CREB5: variants seen among roughly 807,000 people sequenced by gnomAD.
CREB5 encodes the protein cyclic AMP-responsive element-binding protein 5.
CREB5 carries 19 observed loss-of-function variants against 57.1 expected under a neutral mutation model. The ratio of observed to expected loss-of-function variants is 0.33; its 90% CI spans 0.23 to 0.49. The LOEUF is 0.49. Ranked by LOEUF, CREB5 falls within the 20% of genes least tolerant of loss-of-function variation. CREB5 has a pLI of 0.99. For missense variants in CREB5, 579 were observed against 671.6 expected (o/e 0.86, Z 1.52); for synonymous variants, 238 against 238.3 (o/e 1.00, Z 0.01).
intron 3 of CREB5, among the ~76,000 whole-genome samples, chr7:28,505,622 C>A (rs115710319): frequency 2.5e-3 from 375 of 152,216 alleles, no homozygotes; most frequent in African/African-American, 8.8e-3. Flanking sequence ...TCAGGGAGGG[C>A]AAAGCATTGA....
At chr7:28,302,483 A>G (rs1414989522) in intron 1 of CREB5, among the ~76,000 whole-genome samples, 5 of 152,212 alleles carry the variant, frequency 3.3e-5, no homozygotes, top group Non-Finnish European at 7.3e-5. Context: ...AAATTGCAGG[A>G]TTTTAATATG....
At chr7:28,594,361 G>T (rs541535541) in intron 5 of CREB5, among the ~76,000 whole-genome samples, 1 of 152,262 alleles carries the variant, frequency 6.6e-6, no homozygotes, top group African/African-American at 2.4e-5. Flanking sequence ...CAACTTAAAG[G>T]TAAGGTAAAT....
At chr7:28,754,206 C>T (rs1454662902) in intron 7 of CREB5, among the ~76,000 whole-genome samples, 2 of 152,158 alleles carry the variant, frequency 1.3e-5, no homozygotes, top group Non-Finnish European at 2.9e-5. Flanking sequence ...TACAGGCTTT[C>T]TGCAGTGTGG....
At chr7:28,347,821 G>T (rs1169262929) in intron 1 of CREB5, among the ~76,000 whole-genome samples, 1 of 152,140 alleles carries the variant, frequency 6.6e-6, no homozygotes, top group Admixed American at 6.5e-5. Context: ...AAAAAACGTG[G>T]TTATTTCATA....
intron 1 of CREB5, among the ~76,000 whole-genome samples, chr7:28,445,709 G>T (rs911682752): frequency 6.6e-6 from 1 of 151,892 alleles, no homozygotes; most frequent in Non-Finnish European, 1.5e-5. Flanking sequence ...CCGCCACCAC[G>T]CCTGGCTAAT....
intron 1 of CREB5, among the ~76,000 whole-genome samples, chr7:28,320,594 T>G (rs1395043946): frequency 6.6e-6 from 1 of 152,168 alleles, no homozygotes; most frequent in East Asian, 1.9e-4. Context: ...TGGTGGAGAT[T>G]GTTCTATGTT....
At chr7:28,393,877 C>T (rs900141767) in intron 1 of CREB5, among the ~76,000 whole-genome samples, 1 of 151,698 alleles carries the variant, frequency 6.6e-6, no homozygotes, top group Admixed American at 6.6e-5. Context: ...GAGTTTGAGC[C>T]CAGTCTGGCC....
At chr7:28,390,122 A>G (rs1583414956) in intron 1 of CREB5, among the ~76,000 whole-genome samples, 1 of 151,944 alleles carries the variant, frequency 6.6e-6, no homozygotes, top group African/African-American at 2.4e-5. Context: ...TTAAGATATT[A>G]AATGAGAACA....
intron 5 of CREB5, among the ~76,000 whole-genome samples, chr7:28,711,975 T>G (rs1443268316): frequency 6.6e-6 from 1 of 152,194 alleles, no homozygotes; most frequent in Non-Finnish European, 1.5e-5. Context: ...CAACTGCTCA[T>G]TTAGTATCAT....
chr7:28,736,669 G>C (rs1046098391), intron 7 of CREB5, among the ~76,000 whole-genome samples: 1 of 152,068 alleles, frequency 6.6e-6, no homozygotes, highest in Non-Finnish European at 1.5e-5. Flanking sequence ...AACCCTAGAG[G>C]ACTAGCTGAC....
At chr7:28,702,961 T>C (rs939087179) in intron 5 of CREB5, among the ~76,000 whole-genome samples, 2 of 150,440 alleles carry the variant, frequency 1.3e-5, no homozygotes, top group Admixed American at 1.3e-4. Context: ...TTCTAGGAAA[T>C]GAATGGAAGC....
At chr7:28,540,559 A>G (rs752848125) in intron 4 of CREB5, among the ~76,000 whole-genome samples, 2 of 152,194 alleles carry the variant, frequency 1.3e-5, no homozygotes, top group Non-Finnish European at 2.9e-5. Context: ...CACACATCCA[A>G]ATGAATTCTT....
intron 4 of CREB5, among the ~76,000 whole-genome samples, chr7:28,552,528 ATGCCTCC>A (rs1371765868): frequency 6.6e-6 from 1 of 152,092 alleles, no homozygotes; most frequent in East Asian, 1.9e-4. Context: ...AACAAGCAAA[ATGCCTCC>A]TGCTCATAAA....
intron 7 of CREB5, among the ~76,000 whole-genome samples, chr7:28,756,620 G>GT: frequency 6.6e-6 from 1 of 151,736 alleles, no homozygotes; most frequent in African/African-American, 2.4e-5. Context: ...ATGGAGTCCA[G>GT]TTTATTTTTC....
intron 7 of CREB5, among the ~76,000 whole-genome samples, chr7:28,779,981 C>G (rs1806876883): frequency 6.6e-6 from 1 of 152,146 alleles, no homozygotes; most frequent in Non-Finnish European, 1.5e-5. Flanking sequence ...TTCTCCCAGG[C>G]TGGTCTCAAA....
At chr7:28,322,074 A>G (rs1186748602) in intron 1 of CREB5, among the ~76,000 whole-genome samples, 1 of 152,242 alleles carries the variant, frequency 6.6e-6, no homozygotes, top group African/African-American at 2.4e-5. Flanking sequence ...ATTTTAACCA[A>G]CTGGTCTACC....
At chr7:28,706,028 C>G (rs1239433509) in intron 5 of CREB5, among the ~76,000 whole-genome samples, 4 of 152,164 alleles carry the variant, frequency 2.6e-5, no homozygotes, top group African/African-American at 9.7e-5. Flanking sequence ...AGAGTTTCTC[C>G]TGCTAATACA....
intron 1 of CREB5, among the ~76,000 whole-genome samples, chr7:28,425,926 C>A (rs1788493844): frequency 6.6e-6 from 1 of 152,186 alleles, no homozygotes; most frequent in Non-Finnish European, 1.5e-5. Flanking sequence ...TATACCAGTT[C>A]TTCTCCTGAC....
At chr7:28,432,368 T>C (rs1232670451) in intron 1 of CREB5, among the ~76,000 whole-genome samples, 1 of 152,210 alleles carries the variant, frequency 6.6e-6, no homozygotes, top group African/African-American at 2.4e-5. Flanking sequence ...GCAATCATTT[T>C]TCGGTTGTGT....
Sources: gnomAD v4.1 joint callset for allele counts (sites outside exome capture counted in the v4.1 genomes callset) on GRCh38, gnomAD v4.1.1 for gene constraint, MANE v1.5 for transcripts, NCBI Gene and HGNC (gene_info 2026-07-23, HGNC 2026-07-21) for gene names.